Variants in RAB28 observed in about 807,000 individuals in gnomAD.
RAB28 encodes the protein RAB28, member RAS oncogene family.
Under a neutral mutation model 31.7 loss-of-function variants are expected in RAB28, and 24 were observed. The ratio of observed to expected loss-of-function variants is 0.76; its 90% CI spans 0.55 to 1.06. RAB28 has a LOEUF of 1.06. Among genes scored for constraint, RAB28 ranks in the 50% least tolerant of loss-of-function variants. RAB28 has a pLI of 0.00. For missense variants in RAB28, 254 were observed against 258.5 expected, an observed-to-expected ratio of 0.98 and a Z score of 0.12; for synonymous variants, 100 against 90.4, an observed-to-expected ratio of 1.11 and a Z score of -0.60.
intron 6 of RAB28, 77 bp downstream of exon 6, chr4:13,376,468 G>A (rs1728925142): frequency 2.8e-6 from 3 of 1,057,772 alleles, no homozygotes; most frequent in Non-Finnish European, 4.2e-6. Context: ...GCATAAATGG[G>A]AAAGAATTTA....
At chr4:13,452,436 T>C (rs1715021368) in intron 4 of RAB28, among the ~76,000 whole-genome samples, 1 of 152,062 alleles carries the variant, frequency 6.6e-6, no homozygotes, top group Admixed American at 6.5e-5. Flanking sequence ...GTATTGCTTT[T>C]GCTGTGTCCC....
chr4:13,378,717 A>C (rs1729015094), intron 5 of RAB28, among the ~76,000 whole-genome samples: 2 of 152,176 alleles, frequency 1.3e-5, no homozygotes, highest in African/African-American at 2.4e-5. Flanking sequence ...CCTAGCTAGA[A>C]TAGATCCCAT....
chr4:13,477,460 A>G (rs1716410967), intron 2 of RAB28, among the ~76,000 whole-genome samples: 1 of 151,648 alleles, frequency 6.6e-6, no homozygotes, highest in East Asian at 1.9e-4. Flanking sequence ...TAATCATCCT[A>G]CATGTGACAC....
chr4:13,425,349 A>G (rs886928193), intron 4 of RAB28, among the ~76,000 whole-genome samples: 3 of 152,210 alleles, frequency 2.0e-5, no homozygotes, highest in African/African-American at 7.2e-5. Flanking sequence ...TTGATTCTGG[A>G]ATCAAAGAAG....
chr4:13,428,955 T>TC (rs1713661477), intron 4 of RAB28, among the ~76,000 whole-genome samples: 2 of 151,056 alleles, frequency 1.3e-5, no homozygotes, highest in South Asian at 2.1e-4. Flanking sequence ...TTTTTTTTTT[T>TC]TTTTTTTGAG....
chr4:13,369,753 T>A, intron 6 of RAB28: 1 of 1,004,622 alleles, frequency 1.0e-6, no homozygotes, highest in Admixed American at 3.5e-5. Flanking sequence ...GATATTAACT[T>A]CCAATAATGT....
intron 4 of RAB28, among the ~76,000 whole-genome samples, chr4:13,453,674 G>GT (rs1262002449): frequency 6.6e-6 from 1 of 151,688 alleles, no homozygotes; most frequent in Non-Finnish European, 1.5e-5. Context: ...ATCCTGGCCT[G>GT]TAAGGTTTCT....
intron 4 of RAB28, among the ~76,000 whole-genome samples, chr4:13,419,931 A>C (rs1713023927): frequency 6.6e-6 from 1 of 152,040 alleles, no homozygotes; most frequent in Non-Finnish European, 1.5e-5. Flanking sequence ...TAGAGACACA[A>C]AAAACCCTTC....
intron 2 of RAB28, among the ~76,000 whole-genome samples, chr4:13,475,382 T>C (rs1460013983): frequency 6.6e-5 from 10 of 151,516 alleles, no homozygotes; most frequent in Non-Finnish European, 1.5e-5. Flanking sequence ...TTTTGAATGA[T>C]TTGCAAATCA....
At chr4:13,428,704 G>A (rs1274323335) in intron 4 of RAB28, among the ~76,000 whole-genome samples, 1 of 152,090 alleles carries the variant, frequency 6.6e-6, no homozygotes, top group Non-Finnish European at 1.5e-5. Flanking sequence ...CTCTCCAGTA[G>A]AGGAAAGAAA....
chr4:13,404,101 C>T (rs1048218969), intron 4 of RAB28, among the ~76,000 whole-genome samples: 13 of 152,132 alleles, frequency 8.5e-5, no homozygotes, highest in African/African-American at 2.9e-4. Flanking sequence ...TCTTCTTGGC[C>T]GGGCCAGTAC....
intron 4 of RAB28, among the ~76,000 whole-genome samples, chr4:13,421,237 T>G (rs1713119708): frequency 6.6e-6 from 1 of 152,188 alleles, no homozygotes; most frequent in South Asian, 2.1e-4. Context: ...TACAAACCAC[T>G]GCTCAATGAA....
At chr4:13,411,114 A>G (rs917962891) in intron 4 of RAB28, among the ~76,000 whole-genome samples, 1 of 152,180 alleles carries the variant, frequency 6.6e-6, no homozygotes, top group Non-Finnish European at 1.5e-5. Context: ...AAAATACATA[A>G]GAATCAAGAC....
In RAB28 at chr4:13,418,849, C is replaced by T. The variant is rs147168835; in HGVS notation, c.392-37255G>A. Reference sequence around the variant, plus strand: ...CTAGGAAGAAACTGCATCAACTAACCGGCAAAATAACCAGCTGATATCATA... The same window carrying T: ...CTAGGAAGAAACTGCATCAACTAACTGGCAAAATAACCAGCTGATATCATA... On this transcript the variant is annotated intron_variant, in intron 4 of 6. Coordinates refer to ENST00000330852, the MANE Select transcript of RAB28 (RefSeq NM_001017979.3). Among the ~76,000 whole-genome samples, 861 of 152,182 alleles carry T rather than the reference C, an allele frequency of 5.7e-3. 13 individuals are homozygous for T. Among genetic ancestry groups the T allele is most frequent in the African/African-American group, 0.02 (813 of 41,520 alleles).
intron 4 of RAB28, among the ~76,000 whole-genome samples, chr4:13,425,630 T>C (rs2108926133): frequency 6.6e-6 from 1 of 152,256 alleles, no homozygotes; most frequent in African/African-American, 2.4e-5. Context: ...TCCATATGCA[T>C]TTCTTCAAGA....
rs1728833951 is a variant in RAB28 at position 13,374,247 on chromosome 4, C to G, written c.573+2298G>C. On this transcript the variant is annotated intron_variant, in intron 6 of 6. Transcript: ENST00000330852. Reference sequence around the variant, plus strand: ...CCAACAAACTGAAGATAGAATTAAACCTCAAAGCATAATAAACAAAGTAGA... The same window carrying G: ...CCAACAAACTGAAGATAGAATTAAAGCTCAAAGCATAATAAACAAAGTAGA... Among the ~76,000 whole-genome samples, 2 of 152,174 alleles carry G rather than the reference C, an allele frequency of 1.3e-5. 1 individual carries two copies. The highest frequency in any genetic ancestry group is 6.8e-3 in the Middle Eastern group (2 of 294).
intron 4 of RAB28, among the ~76,000 whole-genome samples, chr4:13,437,841 TACTG>T (rs1280219271): frequency 1.3e-5 from 2 of 151,868 alleles, no homozygotes; most frequent in African/African-American, 2.4e-5. Context: ...GCAATCCCAC[TACTG>T]ACTATCTACA....
intron 4 of RAB28, among the ~76,000 whole-genome samples, chr4:13,450,600 T>C (rs1163692148): frequency 6.6e-6 from 1 of 151,962 alleles, no homozygotes; most frequent in Non-Finnish European, 1.5e-5. Context: ...ATGAGATCCT[T>C]AGCTTTCAGA....
chr4:13,427,784 G>A (rs1018734488), intron 4 of RAB28, among the ~76,000 whole-genome samples: 1 of 152,148 alleles, frequency 6.6e-6, no homozygotes, highest in South Asian at 2.1e-4. Flanking sequence ...GCATTCAGTG[G>A]AGAACAGAGA....
Sources: gnomAD v4.1 joint callset for allele counts (sites outside exome capture counted in the v4.1 genomes callset) on GRCh38, gnomAD v4.1.1 for gene constraint, MANE v1.5 for transcripts, NCBI Gene and HGNC (gene_info 2026-07-23, HGNC 2026-07-21) for gene names.